The following CAMK4 variants were observed in gnomAD, a reference collection of about 807,000 sequenced individuals.
The protein encoded by CAMK4 is calcium/calmodulin dependent protein kinase IV, also known as calcium/calmodulin-dependent protein kinase type IV.
In CAMK4, 22 loss-of-function variants were observed where a neutral mutation model predicts 44.9. The ratio of observed to expected loss-of-function variants is 0.49; its 90% confidence interval spans 0.35 to 0.70. CAMK4 has a LOEUF of 0.70. Among genes scored for constraint, CAMK4 ranks in the 30% least tolerant of loss-of-function variants. The pLI, the probability that CAMK4 is intolerant of heterozygous loss-of-function variation, is 0.01. For missense variants in CAMK4, 498 were observed against 586.8 expected (o/e 0.85, Z 1.56); for synonymous variants, 218 against 215.4 (o/e 1.01, Z -0.11).
In CAMK4 at chr5:111,482,734, C is replaced by G; in HGVS notation, c.829-51C>G. The G allele has an allele frequency of 6.9e-7, 1 of 1,454,626 alleles. No homozygotes were observed. Among genetic ancestry groups the G allele is most frequent in the Non-Finnish European group, 9.4e-7 (1 of 1,059,230 alleles). 90.1% of individuals were successfully genotyped at this position (1,454,626 alleles called of 1,614,324 possible). On this transcript the variant is annotated intron_variant, in intron 9 of 10. Transcript: ENST00000282356. The surrounding 1 kb of genome is among the most constrained non-coding windows in gnomAD (Gnocchi z 4.9). ...TGGAAGTTTGTAAGCTGAGGGCAAG[C>G]CCAGGTCATCCTAAAAACCTCGCTA...
At chr5:111,378,818 C>A (rs1044387375) in intron 4 of CAMK4, among the ~76,000 whole-genome samples, 4 of 152,040 alleles carry the variant, frequency 2.6e-5, no homozygotes, top group African/African-American at 9.7e-5. Context: ...CTTCTCTGAA[C>A]CTTAGAACAA....
rs1755814311 is a variant in CAMK4, at chr5:111,491,153, A to G, written c.*6687A>G. On this transcript the variant is annotated 3_prime_UTR_variant, in exon 11 of 11. Transcript: ENST00000282356. ...CCCAAGAACTGAACTCAAATCTCCA[A>G]AAATTTTTCAGAACTCAAGCAACCA... 1 of 152,202 alleles carries G rather than the reference A, an allele frequency of 6.6e-6. No individual in the cohort carries two copies. The allele number at this position is 152,202 out of a possible 1,614,324, so 9.4% of individuals were successfully genotyped here.
At chr5:111,362,628 T>C (rs1299685128) in intron 2 of CAMK4, among the ~76,000 whole-genome samples, 1 of 152,076 alleles carries the variant, frequency 6.6e-6, no homozygotes, top group Non-Finnish European at 1.5e-5. Context: ...AAATATATAA[T>C]ATGTGTTGAT....
Position 111,401,506 on chromosome 5 carries a change from A to G in CAMK4, c.459+6724A>G, listed in dbSNP as rs368627101. Among the ~76,000 whole-genome samples the G allele has an allele frequency of 7.9e-4, 114 of 144,396 alleles. 2 individuals carry two copies. The South Asian group carries it at 0.026, about 33-fold the overall frequency. The allele number at this position is 144,396 out of a possible 152,430, so 94.7% of individuals were successfully genotyped here. A position where few individuals can be genotyped will look rare whatever the true frequency, so the allele number is the denominator to read the frequency against. On this transcript the variant is annotated intron_variant, in intron 5 of 10. Transcript: ENST00000282356. ...ACAACCAGAAGAATCTAACCCTTTA[A>G]AAGTCAATATGGTATCTGAGCATCA...
intron 2 of CAMK4, chr5:111,364,987 C>T (rs932377464): frequency 6.6e-6 from 1 of 152,206 alleles, no homozygotes; most frequent in Non-Finnish European, 1.5e-5. Context: ...TCTAAACCGT[C>T]ACCCACCCTG....
chr5:111,370,606 A>G (rs932550302), intron 2 of CAMK4, among the ~76,000 whole-genome samples: 2 of 152,154 alleles, frequency 1.3e-5, no homozygotes, highest in Admixed American at 6.6e-5. Flanking sequence ...GTAGTGACAA[A>G]TACATTTATT....
rs548010824 is a variant in CAMK4 at position 111,292,011 on chromosome 5, G to A, written c.162-52013G>A. Among the ~76,000 whole-genome samples, 66 of 152,278 alleles carry A rather than the reference G, an allele frequency of 4.3e-4. No individual in the cohort carries two copies. In the South Asian group the frequency reaches 5.0e-3, roughly 11 times the overall value. On this transcript the variant is annotated intron_variant, in intron 1 of 10. Transcript: ENST00000282356. ...CTTAAGAAAATGCAAAAGCCACAATGGGTATATATTTATATTCCAACATCC... is the reference window on the plus strand; with the variant it reads ...CTTAAGAAAATGCAAAAGCCACAATAGGTATATATTTATATTCCAACATCC...
chr5:111,336,374 C>T (rs1338952601), intron 1 of CAMK4, among the ~76,000 whole-genome samples: 1 of 150,948 alleles, frequency 6.6e-6, no homozygotes, highest in Non-Finnish European at 1.5e-5. Context: ...TGCTTTATGT[C>T]AAAATAGTTT....
At chr5:111,367,602 C>G (rs576274760) in intron 2 of CAMK4, among the ~76,000 whole-genome samples, 1 of 152,218 alleles carries the variant, frequency 6.6e-6, no homozygotes, top group Admixed American at 6.5e-5. Flanking sequence ...TTAGGCCAAG[C>G]AAGCATATGC....
At chr5:111,453,362 T>TA (rs908216157) in intron 7 of CAMK4, among the ~76,000 whole-genome samples, 1 of 152,212 alleles carries the variant, frequency 6.6e-6, no homozygotes, top group African/African-American at 2.4e-5. Context: ...ATCTATCTTA[T>TA]AAAAAATTAA....
At chr5:111,445,275 G>A (rs186325741) in intron 5 of CAMK4, among the ~76,000 whole-genome samples, 90 of 152,162 alleles carry the variant, frequency 5.9e-4, no homozygotes, top group African/African-American at 1.9e-3. Flanking sequence ...AAACTGATAC[G>A]AAGGTAAGCC....
intron 4 of CAMK4, among the ~76,000 whole-genome samples, chr5:111,377,243 A>G (rs1269661318): frequency 6.6e-6 from 1 of 152,006 alleles, no homozygotes; most frequent in East Asian, 1.9e-4. Flanking sequence ...AATCTAAACT[A>G]AATAGTAAGA....
At chr5:111,356,491 G>A (rs1273230055) in intron 2 of CAMK4, among the ~76,000 whole-genome samples, 1 of 152,254 alleles carries the variant, frequency 6.6e-6, no homozygotes, top group Non-Finnish European at 1.5e-5. Context: ...TTGCTGTGCA[G>A]AAGCTCTTTA....
intron 7 of CAMK4, among the ~76,000 whole-genome samples, chr5:111,468,776 G>A (rs915135279): frequency 9.2e-5 from 14 of 152,098 alleles, no homozygotes; most frequent in African/African-American, 2.9e-4. Context: ...TCAGGAGTTC[G>A]AGCCCAGCCT....
At chr5:111,350,540 A>C (rs151224425) in intron 2 of CAMK4, among the ~76,000 whole-genome samples, 2 of 151,940 alleles carry the variant, frequency 1.3e-5, no homozygotes, top group African/African-American at 4.8e-5. Context: ...TCGGATGCCT[A>C]TAATACCTAG....
intron 1 of CAMK4, among the ~76,000 whole-genome samples, chr5:111,255,993 C>T (rs1749726792): frequency 6.6e-6 from 1 of 152,276 alleles, no homozygotes; most frequent in South Asian, 2.1e-4. Context: ...CATACACACA[C>T]ACATATATAT....
At chr5:111,325,634 G>A (rs951559324) in intron 1 of CAMK4, among the ~76,000 whole-genome samples, 1 of 152,134 alleles carries the variant, frequency 6.6e-6, no homozygotes, top group Non-Finnish European at 1.5e-5. Context: ...GACTGGTGAT[G>A]ATGAGCTTTT....
chr5:111,421,501 TCTAA>T (rs1389922393), intron 5 of CAMK4, among the ~76,000 whole-genome samples: 1 of 152,186 alleles, frequency 6.6e-6, no homozygotes, highest in African/African-American at 2.4e-5. Context: ...GCTCAAAAAC[TCTAA>T]CTGCAAAAAT....
At chr5:111,432,980 G>A (rs1371023274) in intron 5 of CAMK4, among the ~76,000 whole-genome samples, 1 of 152,094 alleles carries the variant, frequency 6.6e-6, no homozygotes, top group Non-Finnish European at 1.5e-5. Flanking sequence ...CAAATATGAT[G>A]ACAGCATTAA....
Sources: gnomAD v4.1 joint callset for allele counts (sites outside exome capture counted in the v4.1 genomes callset) on GRCh38, gnomAD v4.1.1 for gene constraint, Gnocchi (gnomAD v3.1) non-coding constraint, MANE v1.5 for transcripts, NCBI Gene and HGNC (gene_info 2026-07-23, HGNC 2026-07-21) for gene names.